The following PDE4D variants were observed in gnomAD, a reference collection of about 807,000 sequenced individuals.
PDE4D encodes the protein 3',5'-cyclic-AMP phosphodiesterase 4D.
A neutral mutation model predicts 87.4 loss-of-function variants in PDE4D; 24 were observed. That is an observed-to-expected ratio of 0.27 (90% CI 0.20 to 0.39). PDE4D has a LOEUF of 0.39. Among genes scored for constraint, PDE4D ranks in the 10% least tolerant of loss-of-function variants. PDE4D has a pLI of 1.00. For synonymous variants in PDE4D, 384 were observed against 383.2 expected, an observed-to-expected ratio of 1.00 and a Z score of -0.02; for missense variants, 714 against 1,041.0, an observed-to-expected ratio of 0.69 and a Z score of 4.32.
intron 1 of PDE4D, among the ~76,000 whole-genome samples, chr5:60,257,254 AAAGAAAAG>A (rs1749178493): frequency 1.4e-5 from 2 of 147,354 alleles, no homozygotes; most frequent in Non-Finnish European, 3.0e-5. Flanking sequence ...GAAAGAAAGA[AAAGAAAAG>A]AAAGAGAGAA....
Position 60,114,996 on chromosome 5 carries a change from G to A in PDE4D, c.42+70561C>T, listed in dbSNP as rs145329013. On this transcript the variant is annotated intron_variant, in intron 2 of 16. Transcript: ENST00000502484. Reference sequence around the variant, plus strand: ...TGGATGGATGGCTAGATAATACTTAGGATGCCTCACAACAGTTCCTAAAAG... The same window carrying A: ...TGGATGGATGGCTAGATAATACTTAAGATGCCTCACAACAGTTCCTAAAAG... Among the ~76,000 whole-genome samples the A allele has an allele frequency of 2.5e-3, 375 of 150,286 alleles. 2 individuals carry two copies. Among genetic ancestry groups the A allele is most frequent in the African/African-American group, 8.0e-3 (324 of 40,620 alleles).
At chr5:59,842,996 C>T (rs1309280383) in intron 1 of PDE4D, among the ~76,000 whole-genome samples, 3 of 152,040 alleles carry the variant, frequency 2.0e-5, no homozygotes, top group South Asian at 4.1e-4. Context: ...AGACCACATC[C>T]TCCCCAAAAT....
chr5:60,185,765 C>T, intron 1 of PDE4D: 1 of 491,128 alleles, frequency 2.0e-6, no homozygotes. Flanking sequence ...TAGACTGGGA[C>T]AGTTAATTCT....
chr5:60,114,897 T>C (rs1778005783), intron 2 of PDE4D, among the ~76,000 whole-genome samples: 1 of 151,778 alleles, frequency 6.6e-6, no homozygotes, highest in African/African-American at 2.4e-5. Flanking sequence ...TATATATATG[T>C]ATGAATAAGC....
At chr5:60,049,041 A>T (rs1248230596) in intron 2 of PDE4D, among the ~76,000 whole-genome samples, 1 of 151,884 alleles carries the variant, frequency 6.6e-6, no homozygotes, top group Non-Finnish European at 1.5e-5. Context: ...ATAGTCCCAT[A>T]TTTCTTGGAG....
intron 3 of PDE4D, among the ~76,000 whole-genome samples, chr5:59,925,371 T>C (rs2117553): frequency 0.35 from 53,810 of 151,732 alleles, 11,612 homozygotes; most frequent in East Asian, 0.74. Flanking sequence ...ATACAACTGA[T>C]ACACAAAAAA....
chr5:60,358,817 T>C (rs1048107475), intron 1 of PDE4D, among the ~76,000 whole-genome samples: 4 of 152,192 alleles, frequency 2.6e-5, no homozygotes, highest in Non-Finnish European at 5.9e-5. Context: ...CAGACATAAA[T>C]GAAATCAAAT....
chr5:60,043,976 G>A (rs1430497035), intron 2 of PDE4D, among the ~76,000 whole-genome samples: 1 of 152,108 alleles, frequency 6.6e-6, no homozygotes, highest in African/African-American at 2.4e-5. Flanking sequence ...TGAGATTTCT[G>A]ATGTAATTCT....
At chr5:59,961,301 TTA>T (rs1491314411) in intron 3 of PDE4D, among the ~76,000 whole-genome samples, 1 of 130,622 alleles carries the variant, frequency 7.7e-6, no homozygotes, top group Non-Finnish European at 1.7e-5. Context: ...GAGACCCAGA[TTA>T]AAAAAAAAAA....
chr5:59,090,097 T>TA (rs1440957273), intron 5 of PDE4D, among the ~76,000 whole-genome samples: 9 of 152,124 alleles, frequency 5.9e-5, no homozygotes, highest in African/African-American at 2.2e-4. Flanking sequence ...AGCAATTACT[T>TA]ACGGGATAAG....
In PDE4D at chr5:60,277,174, C is replaced by T. The variant is rs527371589; in HGVS notation, c.-89-91487G>A. ...GTCAAACAAAAGAAAATTAGCATATCCAATGGGGAAAAGCGGATTTTCCTC... is the reference window on the plus strand; with the variant it reads ...GTCAAACAAAAGAAAATTAGCATATTCAATGGGGAAAAGCGGATTTTCCTC... On this transcript the variant is annotated intron_variant, in intron 1 of 16. Coordinates refer to the PDE4D transcript ENST00000502484. Among the ~76,000 whole-genome samples the T allele has an allele frequency of 1.6e-4, 24 of 151,884 alleles. No individual in the cohort carries two copies. The South Asian group carries it at 5.0e-3, about 32-fold the overall frequency.
chr5:60,484,629 G>C (rs1027817475), intron 1 of PDE4D, among the ~76,000 whole-genome samples: 1 of 152,124 alleles, frequency 6.6e-6, no homozygotes, highest in Non-Finnish European at 1.5e-5. Flanking sequence ...TCAAGTAATA[G>C]ATGGATCAGC....
intron 1 of PDE4D, among the ~76,000 whole-genome samples, chr5:59,527,356 T>C (rs1813350875): frequency 6.6e-6 from 1 of 152,216 alleles, no homozygotes; most frequent in Admixed American, 6.5e-5. Flanking sequence ...CACTATCCTT[T>C]TTCTAGTACT....
At chr5:60,408,826 T>C (rs866458633) in intron 1 of PDE4D, among the ~76,000 whole-genome samples, 2 of 152,204 alleles carry the variant, frequency 1.3e-5, no homozygotes, top group Non-Finnish European at 2.9e-5. Flanking sequence ...ATAATAAATA[T>C]AATATAGAAA....
chr5:59,587,560 C>T, intron 1 of PDE4D: 3 of 985,418 alleles, frequency 3.0e-6, no homozygotes, highest in Middle Eastern at 5.2e-4. Context: ...CTGCCCTGGG[C>T]TGTGCCGCCC....
intron 3 of PDE4D, among the ~76,000 whole-genome samples, chr5:59,913,629 T>C (rs188093882): frequency 3.9e-5 from 6 of 152,306 alleles, no homozygotes; most frequent in Admixed American, 6.5e-5. Flanking sequence ...ATAGTAAATA[T>C]AGTATATTTG....
chr5:59,635,551 C>T (rs1046145867), intron 1 of PDE4D, among the ~76,000 whole-genome samples: 5 of 152,156 alleles, frequency 3.3e-5, no homozygotes, highest in East Asian at 1.9e-4. Flanking sequence ...ACGATCAAGT[C>T]GGCTTCATCC....
At chr5:59,716,901 G>A (rs1755111222) in intron 1 of PDE4D, among the ~76,000 whole-genome samples, 2 of 152,158 alleles carry the variant, frequency 1.3e-5, no homozygotes, top group Non-Finnish European at 2.9e-5. Flanking sequence ...GAAACTCCAG[G>A]AAATCACGAC....
chr5:59,316,823 G>C (rs540011992), intron 1 of PDE4D, among the ~76,000 whole-genome samples: 1 of 152,274 alleles, frequency 6.6e-6, no homozygotes, highest in South Asian at 2.1e-4. Flanking sequence ...ATAACCACGG[G>C]ACACCTGCCT....
Sources: allele counts gnomAD v4.1 joint callset (sites outside exome capture counted in the v4.1 genomes callset), GRCh38; gene constraint gnomAD v4.1.1; transcripts MANE v1.5; gene names NCBI Gene and HGNC (gene_info 2026-07-23, HGNC 2026-07-21).